The following SLC22A23 variants were observed in gnomAD, a reference collection of about 807,000 sequenced individuals.
SLC22A23 encodes the protein ion transporter protein.
Under a neutral mutation model 61.0 loss-of-function variants are expected in SLC22A23, and 26 were observed. The observed-to-expected ratio is 0.43, with a 90% CI of 0.31 to 0.59. The LOEUF (loss-of-function observed/expected upper bound fraction) is 0.59, where lower values mean the gene tolerates loss of function less well. Among genes scored for constraint, SLC22A23 ranks in the 20% least tolerant of loss-of-function variants. SLC22A23 has a pLI of 0.11. For missense variants in SLC22A23, 796 were observed against 934.7 expected, an observed-to-expected ratio of 0.85 and a Z score of 1.94; for synonymous variants, 430 against 413.9, an observed-to-expected ratio of 1.04 and a Z score of -0.47.
At chr6:3,361,844 G>A (rs563886465) in intron 3 of SLC22A23, among the ~76,000 whole-genome samples, 3 of 152,192 alleles carry the variant, frequency 2.0e-5, no homozygotes, top group East Asian at 1.9e-4. Flanking sequence ...AACACGTGCC[G>A]GTTCTCACGC....
rs113417296 is a variant in SLC22A23, at chr6:3,397,836, G to C, written c.913+12352C>G. Among the ~76,000 whole-genome samples, 517 of 152,240 alleles carry C rather than the reference G, an allele frequency of 3.4e-3. 3 individuals are homozygous for C. The highest frequency in any genetic ancestry group is 0.011 in the African/African-American group (476 of 41,528). On this transcript the variant is annotated intron_variant, in intron 3 of 9. Transcript: ENST00000406686. The stretch of plus-strand genomic sequence containing the variant: ...AGATGTCTAACTCTTACACTCCGGG[G>C]CTGTATATGGTTCTTTCTAAAAAGA...
intron 3 of SLC22A23, among the ~76,000 whole-genome samples, chr6:3,397,395 G>A (rs1274803336): frequency 3.3e-5 from 5 of 152,186 alleles, no homozygotes; most frequent in African/African-American, 4.8e-5. Flanking sequence ...GCTCCCTGGC[G>A]AGAGGGGCTC....
In SLC22A23 at chr6:3,414,187, AC is replaced by A. The variant is rs999947906; in HGVS notation, c.758+1564del. On this transcript the variant is annotated intron_variant, in intron 2 of 9. Coordinates refer to ENST00000406686, the MANE Select transcript of SLC22A23 (RefSeq NM_015482.2). The surrounding 1 kb of genome is among the most constrained non-coding windows in gnomAD (Gnocchi z 5.1). ...TTATTTATTGAATAAGGACACTACAACCCCAGTTGAGTTTGCATTTTTTTAG... is the reference window on the plus strand; with the variant it reads ...TTATTTATTGAATAAGGACACTACAACCCAGTTGAGTTTGCATTTTTTTAG... Among the ~76,000 whole-genome samples the A allele has an allele frequency of 3.1e-4, 47 of 152,348 alleles. No homozygotes were observed. Among genetic ancestry groups the A allele is most frequent in the African/African-American group, 1.1e-3 (46 of 41,586 alleles).
chr6:3,378,838 T>C (rs1440487253), intron 3 of SLC22A23, among the ~76,000 whole-genome samples: 2 of 151,920 alleles, frequency 1.3e-5, no homozygotes, highest in Non-Finnish European at 2.9e-5. Flanking sequence ...TTTGTATTTT[T>C]AGTAGAGATG....
Position 3,322,549 on chromosome 6 carries a change from G to A in SLC22A23, c.1082+1285C>T, listed in dbSNP as rs1444850475. Among the ~76,000 whole-genome samples the A allele has an allele frequency of 6.6e-6, 1 of 152,174 alleles. No individual in the cohort carries two copies. Among genetic ancestry groups the A allele is most frequent in the African/African-American group, 2.4e-5 (1 of 41,432 alleles). ...GGCCCCAGGAGAGGAGCTCAGTTCG[G>A]GCAGCGGTGGCTGCTGAGTGGCCTC... On this transcript the variant is annotated intron_variant, in intron 4 of 9. Coordinates refer to ENST00000406686, the MANE Select transcript of SLC22A23 (RefSeq NM_015482.2). The surrounding 1 kb of genome is among the most constrained non-coding windows in gnomAD (Gnocchi z 4.1).
intron 5 of SLC22A23, among the ~76,000 whole-genome samples, chr6:3,296,952 C>T (rs930973276): frequency 2.6e-5 from 4 of 152,206 alleles, no homozygotes; most frequent in Non-Finnish European, 5.9e-5. Flanking sequence ...ACCTGCAGGG[C>T]ACATTCTCCC....
intron 1 of SLC22A23, among the ~76,000 whole-genome samples, chr6:3,416,860 G>A (rs924972804): frequency 6.6e-6 from 1 of 152,230 alleles, no homozygotes; most frequent in African/African-American, 2.4e-5. Flanking sequence ...ATGCATTTGG[G>A]AACACCGGAG....
chr6:3,420,556 G>A (rs1270881615), intron 1 of SLC22A23, among the ~76,000 whole-genome samples: 1 of 151,988 alleles, frequency 6.6e-6, no homozygotes, highest in Non-Finnish European at 1.5e-5. Context: ...AAAACTAAGG[G>A]GGAAAAACTA....
chr6:3,456,937 G>T lies in SLC22A23; in HGVS notation c.-378C>A, dbSNP rs1158620691. 6.7e-6 allele frequency: 1 copy of T among 150,006 alleles called. No homozygotes were observed. The highest frequency in any genetic ancestry group is 2.0e-4 in the East Asian group (1 of 5,100). 9.3% of individuals were successfully genotyped at this position (150,006 alleles called of 1,614,324 possible). A position where few individuals can be genotyped will look rare whatever the true frequency, so the allele number is the denominator to read the frequency against. On this transcript the variant is annotated 5_prime_UTR_variant, in exon 1 of 10. Coordinates refer to ENST00000406686, the MANE Select transcript of SLC22A23 (RefSeq NM_015482.2). The surrounding 1 kb of genome is among the most constrained non-coding windows in gnomAD (Gnocchi z 7.1). ...CGCCCGGCCCGCGCCCTTGCCGGCG[G>T]TTCAGGGCCCTGCGGGCGGCGGTGC...
intron 3 of SLC22A23, among the ~76,000 whole-genome samples, chr6:3,354,224 A>C (rs1342582015): frequency 6.6e-6 from 1 of 152,242 alleles, no homozygotes; most frequent in African/African-American, 2.4e-5. Context: ...CCCAACGGAG[A>C]GGCAGTCAGG....
Position 3,304,288 on chromosome 6 carries a change from A to G in SLC22A23, c.1083-6070T>C, listed in dbSNP as rs1035554014. On this transcript the variant is annotated intron_variant, in intron 4 of 9. Transcript: ENST00000406686. This position sits in a 1 kb window ranked among gnomAD's most constrained non-coding sequence, Gnocchi z 4.3. ...ACTCCCTCATCTTTGTCATCCTCCAATTGGGTCTAAAGGCAACACACTTTG... is the reference window on the plus strand; with the variant it reads ...ACTCCCTCATCTTTGTCATCCTCCAGTTGGGTCTAAAGGCAACACACTTTG... 2.6e-5 allele frequency among the ~76,000 whole-genome samples: 4 copies of G among 152,170 alleles called. No individual in the cohort carries two copies. The highest frequency in any genetic ancestry group is 4.4e-5 in the Non-Finnish European group (3 of 68,030).
At chr6:3,433,726 A>G (rs1372378445) in intron 1 of SLC22A23, among the ~76,000 whole-genome samples, 1 of 152,188 alleles carries the variant, frequency 6.6e-6, no homozygotes, top group Admixed American at 6.5e-5. Context: ...CTCAGCAACA[A>G]ACAGGAACAA....
intron 1 of SLC22A23, among the ~76,000 whole-genome samples, chr6:3,428,859 T>A (rs573339442): frequency 2.6e-5 from 4 of 152,280 alleles, no homozygotes; most frequent in Admixed American, 2.0e-4. Context: ...ACTGGCTAAT[T>A]AGCGATAACA....
chr6:3,293,743 C>T (rs897179752), intron 5 of SLC22A23, among the ~76,000 whole-genome samples: 7 of 152,170 alleles, frequency 4.6e-5, no homozygotes, highest in Admixed American at 2.6e-4. Flanking sequence ...AGGTACCTAG[C>T]GTGGAACGTG....
At chr6:3,445,091 C>G in intron 1 of SLC22A23, 1 of 488,848 alleles carries the variant, frequency 2.0e-6, no homozygotes. Context: ...TCAGGCAGCA[C>G]TGACCGCATT....
rs145475452 is a variant in SLC22A23, at chr6:3,378,359, C to CG, written c.913+31828dup. Among the ~76,000 whole-genome samples the CG allele has an allele frequency of 1.0e-3, 152 of 152,300 alleles. 2 individuals carry two copies. In the East Asian group the frequency reaches 0.026, roughly 27 times the overall value. On this transcript the variant is annotated intron_variant, in intron 3 of 9. Transcript: ENST00000406686. Reference sequence around the variant, plus strand: ...GAAGGGTGAAAGCACCTGCAGACCTCGGCCCGTGATTCAGCACTTACTCCT... The same window carrying CG: ...GAAGGGTGAAAGCACCTGCAGACCTCGGGCCCGTGATTCAGCACTTACTCCT...
intron 1 of SLC22A23, among the ~76,000 whole-genome samples, chr6:3,439,575 T>G (rs552980457): frequency 2.6e-5 from 4 of 152,226 alleles, no homozygotes; most frequent in Admixed American, 6.5e-5. Flanking sequence ...TAATCTTCAA[T>G]AGCTCACTGA....
At chr6:3,374,620 TGAGA>T (rs934245589) in intron 3 of SLC22A23, among the ~76,000 whole-genome samples, 2 of 152,074 alleles carry the variant, frequency 1.3e-5, no homozygotes, top group African/African-American at 4.8e-5. Flanking sequence ...TGGTAGCCAG[TGAGA>T]AAGAAAGTGA....
chr6:3,417,294 T>C (rs1232742241), intron 1 of SLC22A23, among the ~76,000 whole-genome samples: 1 of 151,820 alleles, frequency 6.6e-6, no homozygotes, highest in East Asian at 1.9e-4. Flanking sequence ...CTGAGGAGGG[T>C]GACTTCTTTT....
Sources: gnomAD v4.1 joint callset for allele counts (sites outside exome capture counted in the v4.1 genomes callset) on GRCh38, gnomAD v4.1.1 for gene constraint, Gnocchi (gnomAD v3.1) non-coding constraint, MANE v1.5 for transcripts, NCBI Gene and HGNC (gene_info 2026-07-23, HGNC 2026-07-21) for gene names.